NALCN: variants seen among roughly 807,000 people sequenced by gnomAD.
NALCN encodes the protein sodium leak channel, non-selective, also known as sodium leak channel NALCN.
A neutral mutation model predicts 225.3 loss-of-function variants in NALCN; 111 were observed. The observed-to-expected ratio is 0.49, with a 90% CI of 0.42 to 0.58. The LOEUF (loss-of-function observed/expected upper bound fraction) is 0.58. NALCN is among the 20% of genes least tolerant of loss of function. The probability of loss-of-function intolerance (pLI) is 0.00; values close to 1 mark genes in which losing one functional copy is unlikely to be tolerated. For missense variants in NALCN, 1,378 were observed against 2,202.4 expected (o/e 0.63, Z 7.49); for synonymous variants, 764 against 769.0 (o/e 0.99, Z 0.11).
intron 3 of NALCN, among the ~76,000 whole-genome samples, chr13:101,394,420 A>G (rs899342534): frequency 6.6e-6 from 1 of 152,228 alleles, no homozygotes; most frequent in Admixed American, 6.5e-5. Flanking sequence ...AGTAAGTGAA[A>G]GAACTAAGAT....
intron 15 of NALCN, among the ~76,000 whole-genome samples, chr13:101,160,145 A>G (rs57401065): frequency 0.07 from 10,709 of 152,002 alleles, 542 homozygotes; most frequent in East Asian, 0.21. Context: ...TAGTAGAGAC[A>G]GGGTTTCACC....
intron 13 of NALCN, among the ~76,000 whole-genome samples, chr13:101,202,223 G>A (rs569774682): frequency 7.4e-4 from 112 of 152,260 alleles, no homozygotes; most frequent in Non-Finnish European, 1.2e-3. Flanking sequence ...AATGCTGGTC[G>A]TACCTAATGT....
At chr13:101,124,547 AT>A (rs1258870975) in intron 18 of NALCN, 60 bp downstream of exon 18, 1 of 1,425,740 alleles carries the variant, frequency 7.0e-7, no homozygotes, top group Non-Finnish European at 9.8e-7. Flanking sequence ...TCAAAAAGCT[AT>A]TTTTCGATTA....
intron 13 of NALCN, among the ~76,000 whole-genome samples, chr13:101,225,491 T>G (rs1485485672): frequency 1.3e-5 from 2 of 152,218 alleles, no homozygotes; most frequent in Non-Finnish European, 2.9e-5. Flanking sequence ...GCAGGCAGAC[T>G]GGCCAACTCC....
intron 38 of NALCN, 100 bp downstream of exon 38, chr13:101,068,595 A>C (rs2032609235): frequency 8.1e-7 from 1 of 1,241,152 alleles, no homozygotes. Context: ...GCCATGAAAC[A>C]CCCACCCCAA....
intron 13 of NALCN, among the ~76,000 whole-genome samples, chr13:101,214,448 T>TA (rs2040651546): frequency 6.6e-6 from 1 of 152,004 alleles, no homozygotes; most frequent in Admixed American, 6.6e-5. Flanking sequence ...GTATAATTTT[T>TA]AAAAAAGTCT....
chr13:101,400,280 T>C (rs1346457474), intron 1 of NALCN, among the ~76,000 whole-genome samples: 2 of 152,130 alleles, frequency 1.3e-5, no homozygotes, highest in Non-Finnish European at 2.9e-5. Flanking sequence ...ATAAGCTCTG[T>C]TTGACTACAA....
intron 13 of NALCN, among the ~76,000 whole-genome samples, chr13:101,223,410 T>C (rs1254717022): frequency 1.3e-5 from 2 of 152,190 alleles, no homozygotes; most frequent in East Asian, 1.9e-4. Context: ...GTTGATACCT[T>C]TTTGGAATGG....
At chr13:101,174,030 G>A (rs1054765667) in intron 15 of NALCN, among the ~76,000 whole-genome samples, 11 of 152,076 alleles carry the variant, frequency 7.2e-5, no homozygotes, top group Non-Finnish European at 1.2e-4. Flanking sequence ...AAATGACACC[G>A]TTGTTAAAAA....
rs1461522161 is a variant in NALCN at position 101,104,995 on chromosome 13, G to A, written c.2580-45C>T. 24 of 1,538,778 alleles carry A rather than the reference G, an allele frequency of 1.6e-5. No homozygotes were observed. Among genetic ancestry groups the A allele is most frequent in the Non-Finnish European group, 2.2e-5 (24 of 1,115,074 alleles). The stretch of plus-strand genomic sequence containing the variant: ...TAAAATTCTGCAACAAAGCAAGCAT[G>A]TTTTAACTTGCTAAAAATCATATTT... On this transcript the variant is annotated intron_variant, in intron 22 of 43. Transcript: ENST00000251127. This position sits in a 1 kb window ranked among gnomAD's most constrained non-coding sequence, Gnocchi z 4.2.
chr13:101,360,189 CCTCTCTCTCTCTCTCTCTCTCTCTCTCT>C, intron 6 of NALCN, among the ~76,000 whole-genome samples: 1 of 89,324 alleles, frequency 1.1e-5, no homozygotes, highest in East Asian at 3.9e-4. Flanking sequence ...TTCCTCTCTT[CCTCTCTCTCTCTCTCTCTCTCTCTCTCT>C]CTCTCTCTCT....
chr13:101,163,686 A>C (rs958577487), intron 15 of NALCN, among the ~76,000 whole-genome samples: 2 of 152,120 alleles, frequency 1.3e-5, no homozygotes, highest in Non-Finnish European at 2.9e-5. Context: ...CAGCCAGGCT[A>C]CTTGCCAGCT....
intron 7 of NALCN, among the ~76,000 whole-genome samples, chr13:101,331,711 G>A (rs894155530): frequency 6.6e-6 from 1 of 152,094 alleles, no homozygotes; most frequent in Admixed American, 6.5e-5. Context: ...AGGCATCCGG[G>A]GATGCCTGAG....
intron 20 of NALCN, among the ~76,000 whole-genome samples, chr13:101,109,703 C>T (rs762372983): frequency 6.6e-6 from 1 of 152,120 alleles, no homozygotes; most frequent in East Asian, 1.9e-4. Context: ...ATTTCCCAAA[C>T]CTTTCATTGT....
intron 34 of NALCN, among the ~76,000 whole-genome samples, chr13:101,077,727 T>G (rs549064300): frequency 6.6e-6 from 1 of 152,218 alleles, no homozygotes; most frequent in East Asian, 1.9e-4. Flanking sequence ...CCTTATTTAC[T>G]AGGGAGAAAT....
In NALCN at chr13:101,113,380, A is replaced by G. The variant is rs140509720; in HGVS notation, c.2193-2154T>C. Among the ~76,000 whole-genome samples, 125 of 152,292 alleles carry G rather than the reference A, an allele frequency of 8.2e-4. 1 individual carries two copies. The highest frequency in any genetic ancestry group is 6.7e-3 in the Admixed American group (103 of 15,292). On this transcript the variant is annotated intron_variant, in intron 18 of 43. Transcript: ENST00000251127. ...GGTATAGAAAGATTCCCATGATAGG[A>G]CGTTTCTGCATAATGAAACAGCCTT... is the stretch of plus-strand genomic sequence containing the variant.
chr13:101,348,592 A>G (rs367636365), intron 6 of NALCN, among the ~76,000 whole-genome samples: 2 of 148,894 alleles, frequency 1.3e-5, no homozygotes, highest in Non-Finnish European at 2.9e-5. Context: ...CTCAACTGTT[A>G]ATGATTATGA....
chr13:101,245,645 C>G (rs908685976), intron 11 of NALCN, among the ~76,000 whole-genome samples: 5 of 152,090 alleles, frequency 3.3e-5, no homozygotes, highest in Non-Finnish European at 5.9e-5. Flanking sequence ...ACCGATATAC[C>G]TGGTTTGATG....
At chr13:101,352,279 C>T (rs1362534598) in intron 6 of NALCN, among the ~76,000 whole-genome samples, 1 of 152,112 alleles carries the variant, frequency 6.6e-6, no homozygotes, top group Admixed American at 6.6e-5. Context: ...AAAGCGGAAA[C>T]ATCAACTATG....
Sources: gnomAD v4.1 joint callset for allele counts (sites outside exome capture counted in the v4.1 genomes callset) on GRCh38, gnomAD v4.1.1 for gene constraint, Gnocchi (gnomAD v3.1) non-coding constraint, MANE v1.5 for transcripts, NCBI Gene and HGNC (gene_info 2026-07-23, HGNC 2026-07-21) for gene names.